The following RALYL variants were observed in gnomAD, a reference collection of about 807,000 sequenced individuals.
The protein encoded by RALYL is RNA-binding Raly-like protein.
A neutral mutation model predicts 35.1 loss-of-function variants in RALYL; 29 were observed. That is an observed-to-expected ratio of 0.83 (90% CI 0.61 to 1.13). RALYL has a LOEUF of 1.13. Ranked by LOEUF, RALYL falls within the 50% of genes most tolerant of loss-of-function variation. The pLI, the probability that RALYL is intolerant of heterozygous loss-of-function variation, is 0.00. For missense variants in RALYL, 359 were observed against 360.4 expected (o/e 1.00, Z 0.03); for synonymous variants, 120 against 127.6 (o/e 0.94, Z 0.40).
At chr8:84,264,250 A>G (rs1458193083) in intron 1 of RALYL, among the ~76,000 whole-genome samples, 2 of 152,042 alleles carry the variant, frequency 1.3e-5, no homozygotes, top group Non-Finnish European at 2.9e-5. Flanking sequence ...AAGCATTCCT[A>G]TTTCTCCACC....
chr8:84,668,954 C>T (rs1376364142), intron 2 of RALYL, among the ~76,000 whole-genome samples: 2 of 137,556 alleles, frequency 1.5e-5, no homozygotes, highest in Non-Finnish European at 1.6e-5. Context: ...ACAACACATC[C>T]ATCCATCCAT....
At position 84,621,245 on chromosome 8, in the gene RALYL, CCGTGGG is replaced by C. The variant is rs1203476481; in HGVS notation, c.256+91678_256+91683del. On this transcript the variant is annotated intron_variant, in intron 2 of 8. Coordinates refer to ENST00000521268, the MANE Select transcript of RALYL (RefSeq NM_173848.7). ...TGCCGTGCTAGCAATCAGGGAGACTCCGTGGGCGTGGGCGTAGGACTCTCTGAGCCA... is the reference window on the plus strand; with the variant it reads ...TGCCGTGCTAGCAATCAGGGAGACTCCGTGGGCGTAGGACTCTCTGAGCCA... Among the ~76,000 whole-genome samples the C allele has an allele frequency of 2.0e-5, 3 of 152,304 alleles. No individual in the cohort carries two copies. The East Asian group carries it at 5.8e-4, about 29-fold the overall frequency.
At chr8:84,818,914 A>C (rs1325093746) in intron 4 of RALYL, among the ~76,000 whole-genome samples, 1 of 152,180 alleles carries the variant, frequency 6.6e-6, no homozygotes, top group Non-Finnish European at 1.5e-5. Context: ...TCATGGTGAC[A>C]GCATGACAAG....
chr8:84,549,529 AG>A (rs1455736043), intron 2 of RALYL, among the ~76,000 whole-genome samples: 5 of 152,234 alleles, frequency 3.3e-5, no homozygotes, highest in African/African-American at 1.2e-4. Flanking sequence ...GTCTGAACAG[AG>A]AAAACTCCTT....
At chr8:84,874,736 T>C (rs1586901731) in intron 7 of RALYL, among the ~76,000 whole-genome samples, 1 of 152,246 alleles carries the variant, frequency 6.6e-6, no homozygotes, top group Non-Finnish European at 1.5e-5. Context: ...CAAATCGCTG[T>C]ATACCACATT....
In RALYL at chr8:84,194,586, G is replaced by C. The variant is rs562779224; in HGVS notation, c.-24+10162G>C. 2.0e-5 allele frequency among the ~76,000 whole-genome samples: 3 copies of C among 152,246 alleles called. No homozygotes were observed. The East Asian group carries it at 5.8e-4, about 29-fold the overall frequency. ...ATTAAGTATAACAGTGAATGATTCA[G>C]ATTGAAAAGAAAGCTATGGAGTATT... On this transcript the variant is annotated intron_variant, in intron 1 of 8. Transcript: ENST00000521268.
At chr8:84,916,801 A>G (rs903631505) in intron 8 of RALYL, among the ~76,000 whole-genome samples, 15 of 152,160 alleles carry the variant, frequency 9.9e-5, no homozygotes, top group African/African-American at 2.7e-4. Flanking sequence ...TATTGTTTTC[A>G]ATTTGAAATC....
At chr8:84,911,107 T>C (rs1847442060) in intron 8 of RALYL, among the ~76,000 whole-genome samples, 1 of 152,072 alleles carries the variant, frequency 6.6e-6, no homozygotes, top group South Asian at 2.1e-4. Flanking sequence ...GATGGCAGAA[T>C]AGGAAATCTG....
intron 2 of RALYL, among the ~76,000 whole-genome samples, chr8:84,747,283 G>C (rs898527794): frequency 6.6e-6 from 1 of 151,692 alleles, no homozygotes; most frequent in Non-Finnish European, 1.5e-5. Flanking sequence ...GTGCTAATAA[G>C]TGTGTGTGGA....
Position 84,838,376 on chromosome 8 carries a change from G to C in RALYL, c.366-11604G>C, listed in dbSNP as rs1586668508. 2.0e-5 allele frequency among the ~76,000 whole-genome samples: 3 copies of C among 152,298 alleles called. No homozygotes were observed. The South Asian group carries it at 6.2e-4, about 32-fold the overall frequency. ...AGGAACATTGGGGAAACAATAGCTAGTGTGAATCAGACTTGCCCTGGTGTG... is the reference window on the plus strand; with the variant it reads ...AGGAACATTGGGGAAACAATAGCTACTGTGAATCAGACTTGCCCTGGTGTG... On this transcript the variant is annotated intron_variant, in intron 4 of 8. Coordinates refer to ENST00000521268, the MANE Select transcript of RALYL (RefSeq NM_173848.7).
intron 1 of RALYL, among the ~76,000 whole-genome samples, chr8:84,340,277 T>G (rs555807776): frequency 6.6e-6 from 1 of 152,172 alleles, no homozygotes; most frequent in East Asian, 1.9e-4. Context: ...TAAACTAAAC[T>G]TAAAAAAAGT....
chr8:84,483,586 A>G (rs961837064), intron 1 of RALYL, among the ~76,000 whole-genome samples: 1 of 152,152 alleles, frequency 6.6e-6, no homozygotes, highest in Non-Finnish European at 1.5e-5. Context: ...CCTTAAGCTT[A>G]ATTTTGCCTA....
intron 2 of RALYL, among the ~76,000 whole-genome samples, chr8:84,654,901 G>T (rs948041528): frequency 6.6e-6 from 1 of 152,014 alleles, no homozygotes; most frequent in Non-Finnish European, 1.5e-5. Context: ...AGAGAATACA[G>T]CTATCTCTTC....
chr8:84,729,919 G>A (rs1194644800), intron 2 of RALYL, among the ~76,000 whole-genome samples: 2 of 152,054 alleles, frequency 1.3e-5, no homozygotes, highest in African/African-American at 4.8e-5. Flanking sequence ...AAGAGTCCAG[G>A]ACCAGATGGA....
chr8:84,558,787 T>C (rs907559349), intron 2 of RALYL, among the ~76,000 whole-genome samples: 67 of 152,118 alleles, frequency 4.4e-4, no homozygotes, highest in African/African-American at 1.6e-3. Flanking sequence ...TCAGTGAGGA[T>C]TGTCCTCTGT....
intron 1 of RALYL, among the ~76,000 whole-genome samples, chr8:84,513,824 A>G (rs957347338): frequency 1.3e-5 from 2 of 152,100 alleles, no homozygotes; most frequent in Non-Finnish European, 2.9e-5. Flanking sequence ...GACCAGGTGC[A>G]GTGGCTCATG....
intron 2 of RALYL, among the ~76,000 whole-genome samples, chr8:84,605,165 G>T (rs996831533): frequency 2.0e-5 from 3 of 151,764 alleles, no homozygotes; most frequent in Admixed American, 2.0e-4. Flanking sequence ...TGAAATAGGG[G>T]GTAAGACCTC....
chr8:84,403,973 CTCTG>C (rs1368279902), intron 1 of RALYL, among the ~76,000 whole-genome samples: 7 of 151,866 alleles, frequency 4.6e-5, no homozygotes, highest in African/African-American at 1.2e-4. Context: ...TTATTTGGCT[CTCTG>C]TCTATTATTG....
chr8:84,691,829 A>T (rs1216726084), intron 2 of RALYL, among the ~76,000 whole-genome samples: 1 of 152,072 alleles, frequency 6.6e-6, no homozygotes, highest in Non-Finnish European at 1.5e-5. Flanking sequence ...ATGTGCATAG[A>T]TACAAAAATC....
Sources: allele counts gnomAD v4.1 joint callset (sites outside exome capture counted in the v4.1 genomes callset), GRCh38; gene constraint gnomAD v4.1.1; transcripts MANE v1.5; gene names NCBI Gene and HGNC (gene_info 2026-07-23, HGNC 2026-07-21).